The following PIGK variants were observed in gnomAD, a reference collection of about 807,000 sequenced individuals.
The protein encoded by PIGK is GPI-anchor transamidase.
A neutral mutation model predicts 50.6 loss-of-function variants in PIGK; 42 were observed. The ratio of observed to expected loss-of-function variants is 0.83; its 90% confidence interval spans 0.65 to 1.07. PIGK has a LOEUF of 1.07. Ranked by LOEUF, PIGK falls within the 50% of genes least tolerant of loss-of-function variation. The pLI is 0.00. For missense variants in PIGK, 448 were observed against 488.7 expected, an observed-to-expected ratio of 0.92 and a Z score of 0.78; for synonymous variants, 151 against 156.0, an observed-to-expected ratio of 0.97 and a Z score of 0.24.
intron 3 of PIGK, among the ~76,000 whole-genome samples, chr1:77,199,003 G>A (rs1333303063): frequency 6.6e-6 from 1 of 152,058 alleles, no homozygotes; most frequent in African/African-American, 2.4e-5. Flanking sequence ...TGGTATTGGT[G>A]AAGGAATAAG....
At chr1:77,143,061 T>C (rs368099991) in intron 9 of PIGK, among the ~76,000 whole-genome samples, 7 of 152,308 alleles carry the variant, frequency 4.6e-5, no homozygotes, top group Admixed American at 4.6e-4. Context: ...TACAGATTTA[T>C]ATATTAATGT....
rs1477757783 is a variant in PIGK, at chr1:77,161,330, T to A, written c.778A>T (p.Ile260Phe). 2 of 1,599,834 alleles carry A rather than the reference T, an allele frequency of 1.3e-6. No homozygotes were observed. Among genetic ancestry groups the A allele is most frequent in the African/African-American group, 2.7e-5 (2 of 74,650 alleles). ...TFYVLEFLEEINPASQTNMND... is the reference protein window; with the variant it reads ...TFYVLEFLEEFNPASQTNMND... ...ATATTAGTTTGGCTAGCTGGGTTAATTTCTTCCAAAAATTCCAAGACATAA... is the reference window on the plus strand; with the variant it reads ...ATATTAGTTTGGCTAGCTGGGTTAAATTCTTCCAAAAATTCCAAGACATAA... The change falls in exon 8 of 11, where the codon ATT (isoleucine) becomes TTT (phenylalanine). Residue 260 changes from isoleucine (I) to phenylalanine (F), a missense_variant. Transcript: ENST00000370812.
chr1:77,196,444 T>C (rs1656039150), intron 3 of PIGK, among the ~76,000 whole-genome samples: 1 of 152,162 alleles, frequency 6.6e-6, no homozygotes, highest in East Asian at 1.9e-4. Context: ...CTACCAACAG[T>C]GTAAATGTGT....
At chr1:77,207,266 A>G (rs1656311896) in intron 2 of PIGK, among the ~76,000 whole-genome samples, 1 of 152,216 alleles carries the variant, frequency 6.6e-6, no homozygotes, top group Non-Finnish European at 1.5e-5. Flanking sequence ...GAGAAAGCAT[A>G]TCTTTGGGAA....
intron 10 of PIGK, among the ~76,000 whole-genome samples, chr1:77,114,584 T>A (rs1012924479): frequency 1.7e-4 from 26 of 152,078 alleles, no homozygotes; most frequent in African/African-American, 6.3e-4. Flanking sequence ...AATTTGTAGG[T>A]GGACCAAAAA....
At chr1:77,126,655 C>T (rs1390989377) in intron 9 of PIGK, among the ~76,000 whole-genome samples, 1 of 152,188 alleles carries the variant, frequency 6.6e-6, no homozygotes, top group Admixed American at 6.6e-5. Context: ...CCAAGATTGT[C>T]ACCTTAAGGT....
intron 3 of PIGK, among the ~76,000 whole-genome samples, chr1:77,202,842 T>G (rs1656200492): frequency 6.6e-6 from 1 of 152,138 alleles, no homozygotes. Context: ...ATATAGACAT[T>G]TTACTCTGTG....
intron 9 of PIGK, among the ~76,000 whole-genome samples, chr1:77,142,053 C>G (rs1216073956): frequency 6.6e-6 from 1 of 152,016 alleles, no homozygotes; most frequent in East Asian, 1.9e-4. Context: ...GACTAATAGG[C>G]TATAATACTG....
At chr1:77,190,007 G>A (rs72683932) in intron 3 of PIGK, among the ~76,000 whole-genome samples, 19,140 of 151,776 alleles carry the variant, frequency 0.13, 1,587 homozygotes, top group Non-Finnish European at 0.18. Context: ...AAGTAGTGGC[G>A]TTTGAATTCA....
chr1:77,092,463 G>A lies in PIGK; in HGVS notation c.1099C>T (p.Pro367Ser), dbSNP rs921573097. ...CATAATCCCAGAATAAAGCCCCCAG[G>A]AGGATGCCAGTCTTTCAGCTTCGGT... ...QKPKLKDWHP[P>S]GGFILGLWAL... Residue 367 changes from proline (P) to serine (S), a missense_variant, in exon 11 of 11, where the codon CCT becomes TCT. Transcript: ENST00000370812. The A allele has an allele frequency of 6.3e-7, 1 of 1,597,532 alleles. No homozygotes were observed. The highest frequency in any genetic ancestry group is 1.1e-5 in the South Asian group (1 of 88,268).
chr1:77,109,005 C>T (rs1009701911), intron 10 of PIGK, among the ~76,000 whole-genome samples: 4 of 151,914 alleles, frequency 2.6e-5, no homozygotes, highest in African/African-American at 9.7e-5. Context: ...ACCTTTTTAT[C>T]TAGAAGAAAT....
intron 10 of PIGK, among the ~76,000 whole-genome samples, chr1:77,111,697 T>G (rs191523827): frequency 8.5e-5 from 13 of 152,236 alleles, no homozygotes; most frequent in Admixed American, 7.8e-4. Context: ...ACATGGCATA[T>G]GTATACATAT....
rs1025487385 is a variant in PIGK, at chr1:77,136,515, C to T, written c.987-14156G>A. 7.5e-5 allele frequency among the ~76,000 whole-genome samples: 9 copies of T among 119,246 alleles called. No individual in the cohort carries two copies. In the Admixed American group the frequency reaches 8.3e-4, roughly 11 times the overall value. The allele number at this position is 119,246 out of a possible 152,430, so 78.2% of individuals were successfully genotyped here. A position where few individuals can be genotyped will look rare whatever the true frequency, so the allele number is the denominator to read the frequency against. ...CTGCACTCCAGCCTGGGCGACTGGG[C>T]GACAGAGCGAGACTCCGTCTCAAAA... On this transcript the variant is annotated intron_variant, in intron 9 of 10. Coordinates refer to ENST00000370812, the MANE Select transcript of PIGK (RefSeq NM_005482.3).
intron 10 of PIGK, among the ~76,000 whole-genome samples, chr1:77,102,268 T>G (rs1181572762): frequency 6.6e-6 from 1 of 152,156 alleles, no homozygotes; most frequent in Non-Finnish European, 1.5e-5. Flanking sequence ...TCCTAATTAT[T>G]TGGATTCTAT....
In PIGK at chr1:77,188,800, G is replaced by A. The variant is rs191960684; in HGVS notation, c.239+17840C>T. Among the ~76,000 whole-genome samples the A allele has an allele frequency of 2.0e-3, 306 of 152,182 alleles. 2 individuals are homozygous for A. Among genetic ancestry groups the A allele is most frequent in the African/African-American group, 6.9e-3 (285 of 41,524 alleles). Reference sequence around the variant, plus strand: ...TGTCCCTTTATTTCTCAAGCCGGCCGATGCTTAGGAAAAATAGAAAAGAAC... The same window carrying A: ...TGTCCCTTTATTTCTCAAGCCGGCCAATGCTTAGGAAAAATAGAAAAGAAC... On this transcript the variant is annotated intron_variant, in intron 3 of 10. Transcript: ENST00000370812.
intron 8 of PIGK, among the ~76,000 whole-genome samples, chr1:77,157,759 G>A (rs1483676132): frequency 1.3e-5 from 2 of 152,130 alleles, no homozygotes; most frequent in Non-Finnish European, 2.9e-5. Context: ...GCTCCCATAA[G>A]TCCCACATAT....
chr1:77,096,881 C>CTTTTTTTT (rs141858558), intron 10 of PIGK, among the ~76,000 whole-genome samples: 107 of 123,804 alleles, frequency 8.6e-4, no homozygotes, highest in Non-Finnish European at 1.2e-3. Flanking sequence ...TCGGGTTTTT[C>CTTTTTTTT]TTTTTTTTTT....
intron 10 of PIGK, among the ~76,000 whole-genome samples, chr1:77,117,242 T>A (rs1653998801): frequency 6.6e-6 from 1 of 152,262 alleles, no homozygotes; most frequent in Non-Finnish European, 1.5e-5. Context: ...TTTGGTTTGC[T>A]CTTTCATTTA....
chr1:77,134,201 A>G (rs1441235089), intron 9 of PIGK, among the ~76,000 whole-genome samples: 3 of 152,210 alleles, frequency 2.0e-5, no homozygotes, highest in African/African-American at 7.2e-5. Flanking sequence ...TGTACCCAAG[A>G]GAAAAAAGTG....
Sources: gnomAD v4.1 joint callset for allele counts (sites outside exome capture counted in the v4.1 genomes callset) on GRCh38, gnomAD v4.1.1 for gene constraint, MANE v1.5 for transcripts, NCBI Gene and HGNC (gene_info 2026-07-23, HGNC 2026-07-21) for gene names.